Variants in EP300 observed in about 807,000 individuals in gnomAD.
EP300 encodes the protein histone acetyltransferase p300.
EP300 carries 31 observed loss-of-function variants against 264.0 expected under a neutral mutation model. The observed-to-expected ratio is 0.12, with a 90% CI of 0.09 to 0.16. The LOEUF (loss-of-function observed/expected upper bound fraction) is 0.16, where lower values mean the gene tolerates loss of function less well. Among genes scored for constraint, EP300 ranks in the 10% least tolerant of loss-of-function variants. The probability of loss-of-function intolerance (pLI) is 1.00; values close to 1 mark genes in which losing one functional copy is unlikely to be tolerated. For synonymous variants in EP300, 1,340 were observed against 1,045.4 expected (o/e 1.28, Z -5.44); for missense variants, 2,766 against 3,052.9 (o/e 0.91, Z 2.21).
intron 1 of EP300, among the ~76,000 whole-genome samples, chr22:41,105,232 G>A (rs2058752373): frequency 6.7e-6 from 1 of 148,932 alleles, no homozygotes; most frequent in African/African-American, 2.5e-5. Flanking sequence ...GCCGGGCGTG[G>A]TGGCAGGCGC....
intron 27 of EP300, among the ~76,000 whole-genome samples, chr22:41,171,136 A>AT (rs1215292513): frequency 7.7e-6 from 1 of 129,182 alleles, no homozygotes; most frequent in Non-Finnish European, 1.6e-5. Flanking sequence ...TGTAACCAAA[A>AT]TTTTATTTTA....
chr22:41,111,156 G>A (rs547726882), intron 1 of EP300, among the ~76,000 whole-genome samples: 2 of 152,086 alleles, frequency 1.3e-5, no homozygotes, highest in African/African-American at 4.8e-5. Context: ...AGTGGAGACC[G>A]GGTTTCACCA....
intron 1 of EP300, among the ~76,000 whole-genome samples, chr22:41,112,422 C>T (rs2058797542): frequency 6.6e-6 from 1 of 150,942 alleles, no homozygotes; most frequent in Non-Finnish European, 1.5e-5. Context: ...TGGTCTCAAG[C>T]TCCTGACCTC....
At chr22:41,120,977 A>G (rs369900154) in intron 2 of EP300, among the ~76,000 whole-genome samples, 17 of 152,276 alleles carry the variant, frequency 1.1e-4, no homozygotes, top group African/African-American at 3.6e-4. Flanking sequence ...GATTACAGAC[A>G]GGGGCCACTA....
chr22:41,092,885 C>G lies in EP300; in HGVS notation c.-120C>G, dbSNP rs2058680836. On this transcript the variant is annotated 5_prime_UTR_variant, in exon 1 of 31. Transcript: ENST00000263253. ...AGAGAAAAAGGAACTTCCCCCACCC[C>G]CTCGGGTGCCGTCGGAGCCCCCCAG... The G allele has an allele frequency of 9.4e-7, 1 of 1,058,356 alleles. No homozygotes were observed. Among genetic ancestry groups the G allele is most frequent in the Admixed American group, 1.7e-5 (1 of 58,758 alleles). 65.6% of individuals were successfully genotyped at this position (1,058,356 alleles called of 1,614,324 possible). A position where few individuals can be genotyped will look rare whatever the true frequency, so the allele number is the denominator to read the frequency against.
At chr22:41,172,459 G>A (rs2059176130) in intron 27 of EP300, 40 bp from the exon 28 acceptor site, 2 of 1,534,450 alleles carry the variant, frequency 1.3e-6, no homozygotes, top group South Asian at 1.1e-5. Context: ...TGCTTTAAAA[G>A]AACATAGAAA....
chr22:41,100,190 A>T (rs2058723572), intron 1 of EP300, among the ~76,000 whole-genome samples: 1 of 152,178 alleles, frequency 6.6e-6, no homozygotes, highest in South Asian at 2.1e-4. Flanking sequence ...AGCTATGATG[A>T]CACCACTGTA....
intron 10 of EP300, 174 bp from the exon 11 acceptor site, chr22:41,146,565 C>G (rs2059011636): frequency 1.6e-6 from 1 of 641,482 alleles, no homozygotes; most frequent in Non-Finnish European, 2.7e-6. Context: ...TTTCTGTATT[C>G]CAGAAATAAC....
chr22:41,133,971 ATGCT>A (rs1343781940), intron 6 of EP300, among the ~76,000 whole-genome samples: 1 of 152,206 alleles, frequency 6.6e-6, no homozygotes, highest in African/African-American at 2.4e-5. Flanking sequence ...AAGATCTAAA[ATGCT>A]AGATAGTGAC....
At position 41,131,554 on chromosome 22, in the gene EP300, A is replaced by C. The variant is rs779031630; in HGVS notation, c.1449A>C (p.Gln483His). Reference protein sequence around the residue: ...LPYQVNQMPTQPQVQAKNQQN... With the variant: ...LPYQVNQMPTHPQVQAKNQQN... ...ATCAAGTAAATCAGATGCCGACACA[A>C]CCCCAGGTGCAAGCAAAGAACCAGC... The change falls in exon 6 of 31, where the codon CAA becomes CAC. Residue 483 changes from glutamine to histidine, a missense_variant. Physicochemically the swap from Gln to His is conservative, Grantham distance 24. Transcript: ENST00000263253. The C allele has an allele frequency of 2.5e-6, 4 of 1,613,866 alleles. No homozygotes were observed. In the Admixed American group the frequency reaches 6.7e-5, roughly 27 times the overall value.
intron 1 of EP300, among the ~76,000 whole-genome samples, chr22:41,096,323 C>T (rs1341654695): frequency 6.6e-6 from 1 of 152,138 alleles, no homozygotes; most frequent in Non-Finnish European, 1.5e-5. Context: ...GTCTTCATTA[C>T]TCAGTGAACA....
intron 2 of EP300, among the ~76,000 whole-genome samples, chr22:41,122,136 GT>G (rs869268586): frequency 1.0e-5 from 1 of 96,234 alleles, no homozygotes; most frequent in Non-Finnish European, 2.5e-5. Flanking sequence ...AATCAAGAAG[GT>G]TTTTTTCTTT....
chr22:41,176,176 C>CG (rs2059199327), intron 29 of EP300, 71 bp from the exon 30 acceptor site: 1 of 1,573,618 alleles, frequency 6.4e-7, no homozygotes, highest in East Asian at 2.2e-5. Flanking sequence ...GCCAAGATCA[C>CG]GCCACTGCAT....
chr22:41,172,196 T>G (rs944008252), intron 27 of EP300, among the ~76,000 whole-genome samples: 2 of 152,170 alleles, frequency 1.3e-5, no homozygotes, highest in African/African-American at 4.8e-5. Flanking sequence ...ATGGCATGCA[T>G]GATGGTGCTA....
intron 16 of EP300, among the ~76,000 whole-genome samples, chr22:41,154,649 A>G (rs914551664): frequency 3.9e-5 from 6 of 152,120 alleles, no homozygotes; most frequent in African/African-American, 1.4e-4. Context: ...GCCTGGTCCC[A>G]TGGACTCTTA....
intron 7 of EP300, among the ~76,000 whole-genome samples, chr22:41,136,766 G>GA (rs1370700235): frequency 6.6e-6 from 1 of 152,152 alleles, no homozygotes; most frequent in Non-Finnish European, 1.5e-5. Flanking sequence ...ACAAGCCTTA[G>GA]AAAACTAAGT....
chr22:41,143,008 A>G (rs2058991760), intron 10 of EP300, among the ~76,000 whole-genome samples: 1 of 152,262 alleles, frequency 6.6e-6, no homozygotes. Flanking sequence ...TAATGTCAGT[A>G]TAAACAGTAT....
intron 4 of EP300, 89 bp downstream of exon 4, chr22:41,127,837 G>A (rs2078599636): frequency 2.0e-6 from 3 of 1,528,506 alleles, no homozygotes; most frequent in Non-Finnish European, 1.8e-6. Context: ...TTGTGGTGAT[G>A]GATATGTTTA....
At chr22:41,119,439 G>A (rs952341172) in intron 2 of EP300, among the ~76,000 whole-genome samples, 1 of 152,042 alleles carries the variant, frequency 6.6e-6, no homozygotes, top group Non-Finnish European at 1.5e-5. Flanking sequence ...TAGCTATGAA[G>A]AGAGAAAGTC....
Sources: gnomAD v4.1 joint callset for allele counts (sites outside exome capture counted in the v4.1 genomes callset) on GRCh38, gnomAD v4.1.1 for gene constraint, MANE v1.5 for transcripts, NCBI Gene and HGNC (gene_info 2026-07-23, HGNC 2026-07-21) for gene names.